CAMK2G: variants seen among roughly 807,000 people sequenced by gnomAD.
CAMK2G encodes calcium/calmodulin-dependent protein kinase type II subunit gamma.
A neutral mutation model predicts 88.7 loss-of-function variants in CAMK2G; 23 were observed. The observed-to-expected ratio is 0.26, with a 90% confidence interval of 0.19 to 0.37. The LOEUF (loss-of-function observed/expected upper bound fraction) is 0.37. Among genes scored for constraint, CAMK2G ranks in the 10% least tolerant of loss-of-function variants. The pLI is 1.00. For synonymous variants in CAMK2G, 263 were observed against 294.8 expected (o/e 0.89, Z 1.11); for missense variants, 476 against 780.8 (o/e 0.61, Z 4.65).
chr10:73,815,153 G>A lies in CAMK2G; in HGVS notation c.1629C>T (p.Arg543=). The change falls in exon 22 of 23, where the codon CGC becomes CGT. Residue 543 remains arginine, a synonymous_variant. Transcript: ENST00000423381. ...CCTGCCCGTCGATGTACTGGGTGAG[G>A]CGGATGTAGGCGATGCACGCTGCGT... The part of the protein sequence containing the change: ...GEDAACIAYI[R]LTQYIDGQGR... 6.2e-7 allele frequency: 1 copy of A among 1,614,258 alleles called. No individual in the cohort carries two copies. The highest frequency in any genetic ancestry group is 1.7e-5 in the Admixed American group (1 of 60,036).
chr10:73,858,159 C>G (rs1017598317), intron 3 of CAMK2G, among the ~76,000 whole-genome samples: 3 of 152,222 alleles, frequency 2.0e-5, no homozygotes, highest in Non-Finnish European at 2.9e-5. Context: ...TAAGGGGAAA[C>G]TGGGCATGAC....
chr10:73,830,915 T>C (rs1423989655), intron 14 of CAMK2G, among the ~76,000 whole-genome samples: 3 of 152,158 alleles, frequency 2.0e-5, no homozygotes, highest in African/African-American at 4.8e-5. Context: ...GCAGTAGGAA[T>C]TGAGGAAGGG....
intron 17 of CAMK2G, among the ~76,000 whole-genome samples, chr10:73,822,405 T>C (rs1171571032): frequency 6.6e-6 from 1 of 152,210 alleles, no homozygotes; most frequent in Non-Finnish European, 1.5e-5. Context: ...TGACCTTTGC[T>C]GATCCACTCG....
intron 17 of CAMK2G, among the ~76,000 whole-genome samples, chr10:73,822,084 C>T (rs2089070195): frequency 6.6e-6 from 1 of 152,220 alleles, no homozygotes; most frequent in Non-Finnish European, 1.5e-5. Context: ...ACAGCTACAA[C>T]CTGACTCCAG....
chr10:73,834,172 C>G (rs61864476), intron 14 of CAMK2G, among the ~76,000 whole-genome samples: 1 of 152,108 alleles, frequency 6.6e-6, no homozygotes, highest in Non-Finnish European at 1.5e-5. Flanking sequence ...CCCGCCTCGG[C>G]CTCCCAAAGT....
At position 73,874,500 on chromosome 10, in the gene CAMK2G, G is replaced by A. The variant is rs766869928; in HGVS notation, c.-39C>T. 1.4e-6 allele frequency: 2 copies of A among 1,422,892 alleles called. No individual in the cohort carries two copies. The highest frequency in any genetic ancestry group is 9.4e-7 in the Non-Finnish European group (1 of 1,067,098). 88.1% of individuals were successfully genotyped at this position (1,422,892 alleles called of 1,614,324 possible). ...CGGACGCGGCGGTGCAGCCCGCGCC[G>A]ACGTCGGTGCACAGTCACCGCCGCC... On this transcript the variant is annotated 5_prime_UTR_variant, in exon 1 of 23. Coordinates refer to ENST00000423381, the MANE Select transcript of CAMK2G (RefSeq NM_001367534.1).
rs2093877515 is a variant in CAMK2G, at chr10:73,842,477, T to C, written c.884A>G (p.Asn295Ser). ...QETVECLRKF[N>S]ARRKLKGAIL... The stretch of plus-strand genomic sequence containing the variant: ...ACTCACCTTCAGTTTTCTCCGGGCA[T>C]TGAACTTGCGCAAACACTCCACAGT... Residue 295 changes from asparagine (N) to serine (S), a missense_variant, in exon 11 of 23, where the codon AAT (asparagine) becomes AGT (serine). Asn to Ser is a conservative substitution (Grantham distance 46). Coordinates refer to ENST00000423381, the MANE Select transcript of CAMK2G (RefSeq NM_001367534.1). The surrounding 1 kb of genome is among the most constrained non-coding windows in gnomAD (Gnocchi z 4.6). The C allele has an allele frequency of 1.2e-6, 2 of 1,613,446 alleles. No individual in the cohort carries two copies. The highest frequency in any genetic ancestry group is 1.7e-6 in the Non-Finnish European group (2 of 1,179,380).
Position 73,842,603 on chromosome 10 carries a change from T to G in CAMK2G, c.820-62A>C, listed in dbSNP as rs2093887790. ...AGATCCTCTGCGCCTCCCACAGTCC[T>G]GGCACCGATACCATGCCCAGGACAG... On this transcript the variant is annotated intron_variant, in intron 10 of 22. Transcript: ENST00000423381. The surrounding 1 kb of genome is among the most constrained non-coding windows in gnomAD (Gnocchi z 4.6). 3 of 1,186,640 alleles carry G rather than the reference T, an allele frequency of 2.5e-6. No individual in the cohort carries two copies. In the South Asian group the frequency reaches 3.7e-5, roughly 14 times the overall value. The allele number at this position is 1,186,640 out of a possible 1,614,324, so 73.5% of individuals were successfully genotyped here.
intron 14 of CAMK2G, among the ~76,000 whole-genome samples, chr10:73,835,756 G>A (rs2093125675): frequency 6.6e-6 from 1 of 152,136 alleles, no homozygotes; most frequent in Admixed American, 6.5e-5. Flanking sequence ...ACTGGGCAGA[G>A]AACATCAATA....
chr10:73,848,881 C>G lies in CAMK2G; in HGVS notation c.517+132G>C. ...AACAGCTAGACTTACTGTACTGAGT[C>G]GCGTACGGCCAAGAGAGATCTCGGA... On this transcript the variant is annotated intron_variant, in intron 7 of 22. Coordinates refer to ENST00000423381, the MANE Select transcript of CAMK2G (RefSeq NM_001367534.1). This position sits in a 1 kb window ranked among gnomAD's most constrained non-coding sequence, Gnocchi z 4.5. 1.4e-6 allele frequency: 1 copy of G among 736,342 alleles called. No individual in the cohort carries two copies. The highest frequency in any genetic ancestry group is 2.5e-6 in the Non-Finnish European group (1 of 401,216). 45.6% of individuals were successfully genotyped at this position (736,342 alleles called of 1,614,324 possible).
chr10:73,825,255 G>A (rs374161786), intron 16 of CAMK2G, 24 bp downstream of exon 16: 44 of 1,574,330 alleles, frequency 2.8e-5, no homozygotes, highest in African/African-American at 6.7e-5. Flanking sequence ...GGTCAGAGGC[G>A]GAGAAGCTGT....
chr10:73,873,354 C>T (rs1023412690), intron 1 of CAMK2G: 2 of 1,331,000 alleles, frequency 1.5e-6, no homozygotes, highest in Admixed American at 3.2e-5. Flanking sequence ...TCAGGCTGCA[C>T]ATCAGGAGCG....
At chr10:73,824,142 T>TCAGG in intron 16 of CAMK2G, 58 bp from the exon 17 acceptor site, 4 of 1,348,910 alleles carry the variant, frequency 3.0e-6, no homozygotes, top group Non-Finnish European at 4.3e-6. Flanking sequence ...GGCTCTTCCC[T>TCAGG]GAGGAGCCCC....
At chr10:73,822,912 A>G (rs1397045645) in intron 17 of CAMK2G, among the ~76,000 whole-genome samples, 1 of 152,190 alleles carries the variant, frequency 6.6e-6, no homozygotes, top group East Asian at 1.9e-4. Flanking sequence ...CCCAGGCTGA[A>G]GTGCAGTGGC....
At position 73,861,318 on chromosome 10, in the gene CAMK2G, C is replaced by T. The variant is rs553788045; in HGVS notation, c.161-429G>A. ...TTCAACTAAAACTCTGGTGCTCTTTCCACCACAACAGGGTTTCAGTGGTCC... is the reference window on the plus strand; with the variant it reads ...TTCAACTAAAACTCTGGTGCTCTTTTCACCACAACAGGGTTTCAGTGGTCC... On this transcript the variant is annotated intron_variant, in intron 2 of 22. Coordinates refer to ENST00000423381, the MANE Select transcript of CAMK2G (RefSeq NM_001367534.1). Among the ~76,000 whole-genome samples, 8 of 152,332 alleles carry T rather than the reference C, an allele frequency of 5.3e-5. No homozygotes were observed. In the South Asian group the frequency reaches 1.7e-3, roughly 32 times the overall value.
At chr10:73,873,455 C>A (rs986694543) in intron 1 of CAMK2G, 3 of 1,082,244 alleles carry the variant, frequency 2.8e-6, no homozygotes, top group Non-Finnish European at 3.4e-6. Context: ...AGCAGAGAGA[C>A]CCTGCCCTTC....
At chr10:73,863,534 A>C (rs1219946987) in intron 2 of CAMK2G, among the ~76,000 whole-genome samples, 3 of 152,186 alleles carry the variant, frequency 2.0e-5, no homozygotes, top group Non-Finnish European at 2.9e-5. Flanking sequence ...TCTGGGCACA[A>C]ACCTCACCAC....
chr10:73,827,802 C>T (rs2091453658), intron 15 of CAMK2G, among the ~76,000 whole-genome samples: 1 of 152,236 alleles, frequency 6.6e-6, no homozygotes. Context: ...CTCTCCCTTG[C>T]TTGCCCCAAG....
intron 5 of CAMK2G, among the ~76,000 whole-genome samples, chr10:73,850,707 T>C (rs370222338): frequency 2.2e-4 from 34 of 152,316 alleles, no homozygotes; most frequent in African/African-American, 7.5e-4. Context: ...CTGGGTGGCC[T>C]GGACTTACTA....
Sources: gnomAD v4.1 joint callset for allele counts (sites outside exome capture counted in the v4.1 genomes callset) on GRCh38, gnomAD v4.1.1 for gene constraint, Gnocchi (gnomAD v3.1) non-coding constraint, MANE v1.5 for transcripts, NCBI Gene and HGNC (gene_info 2026-07-23, HGNC 2026-07-21) for gene names.